The following CBR4 variants were observed in gnomAD, a reference collection of about 807,000 sequenced individuals.
CBR4 encodes the protein 3-oxoacyl-[acyl-carrier-protein] reductase.
A neutral mutation model predicts 21.0 loss-of-function variants in CBR4; 22 were observed. The ratio of observed to expected loss-of-function variants is 1.05; its 90% CI spans 0.75 to 1.50. The LOEUF (loss-of-function observed/expected upper bound fraction) is 1.50, where lower values mean the gene tolerates loss of function less well. Among genes scored for constraint, CBR4 ranks in the 40% most tolerant of loss-of-function variants. CBR4 has a pLI of 0.00. For synonymous variants in CBR4, 100 were observed against 104.4 expected, an observed-to-expected ratio of 0.96 and a Z score of 0.26; for missense variants, 302 against 286.3, an observed-to-expected ratio of 1.05 and a Z score of -0.40.
In CBR4 at chr4:169,006,870, T is replaced by C. The variant is rs778516726; in HGVS notation, c.285A>G (p.Thr95=). The change falls in exon 3 of 5, where the codon ACA becomes ACG. Residue 95 remains threonine, a synonymous_variant. Coordinates refer to ENST00000306193, the MANE Select transcript of CBR4 (RefSeq NM_032783.5). ...GCTGAGATACCATATCTTCAGTTTTTGTTCTTACTAAAAGACCATCCCTAC... is the reference window on the plus strand; with the variant it reads ...GCTGAGATACCATATCTTCAGTTTTCGTTCTTACTAAAAGACCATCCCTAC... ...GINRDGLLVR[T]KTEDMVSQLH... The C allele has an allele frequency of 6.2e-7, 1 of 1,612,868 alleles. No homozygotes were observed. Among genetic ancestry groups the C allele is most frequent in the African/African-American group, 1.3e-5 (1 of 75,016 alleles).
chr4:168,899,839 C>T (rs576124956), intron 2 of CBR4, among the ~76,000 whole-genome samples: 138 of 151,958 alleles, frequency 9.1e-4, no homozygotes, highest in Non-Finnish European at 1.8e-3. Flanking sequence ...ATTGCTGGAA[C>T]CCAGGAGGTG....
intron 4 of CBR4, among the ~76,000 whole-genome samples, chr4:168,994,235 TATC>T (rs1765069825): frequency 6.6e-6 from 1 of 152,246 alleles, no homozygotes; most frequent in Non-Finnish European, 1.5e-5. Flanking sequence ...TCTGGCTAGT[TATC>T]AGCAGCAGGA....
chr4:168,951,822 T>G (rs1410550949), intron 2 of CBR4, among the ~76,000 whole-genome samples: 1 of 152,244 alleles, frequency 6.6e-6, no homozygotes, highest in Non-Finnish European at 1.5e-5. Context: ...GGTTACCTAG[T>G]GCTTTTGTCT....
At chr4:168,968,800 G>A (rs946850807) in intron 2 of CBR4, among the ~76,000 whole-genome samples, 20 of 152,280 alleles carry the variant, frequency 1.3e-4, no homozygotes, top group African/African-American at 4.6e-4. Context: ...TATTATTTCC[G>A]ATTTACTATC....
chr4:168,976,775 AT>A (rs1263299979), intron 2 of CBR4, among the ~76,000 whole-genome samples: 2 of 152,220 alleles, frequency 1.3e-5, no homozygotes, highest in Non-Finnish European at 2.9e-5. Flanking sequence ...CACAAAGTCA[AT>A]TTATCAGTTA....
At chr4:168,964,306 C>T (rs539264215) in intron 2 of CBR4, among the ~76,000 whole-genome samples, 3 of 152,290 alleles carry the variant, frequency 2.0e-5, no homozygotes, top group African/African-American at 7.2e-5. Context: ...TTAACCTCAG[C>T]TTTCTTGAGG....
chr4:168,988,816 G>A lies in CBR4; in HGVS notation c.*1334C>T, dbSNP rs1764783063. ...ACCCAGAATTTTTATTTAGAACACT[G>A]CTTTGACTTTTGTTATTACTTTGTA... On this transcript the variant is annotated 3_prime_UTR_variant, in exon 5 of 5. Transcript: ENST00000306193. 1.1e-6 allele frequency: 1 copy of A among 950,648 alleles called. No homozygotes were observed. Among genetic ancestry groups the A allele is most frequent in the African/African-American group, 1.8e-5 (1 of 56,576 alleles). 58.9% of individuals were successfully genotyped at this position (950,648 alleles called of 1,614,324 possible). A position where few individuals can be genotyped will look rare whatever the true frequency, so the allele number is the denominator to read the frequency against.
chr4:168,922,073 A>G (rs1331826306), intron 2 of CBR4, among the ~76,000 whole-genome samples: 4 of 148,414 alleles, frequency 2.7e-5, no homozygotes, highest in African/African-American at 1.0e-4. Context: ...GCTTATATAT[A>G]AAGTTTTATA....
chr4:168,987,209 C>T (rs1031724328), downstream of CBR4, among the ~76,000 whole-genome samples: 4 of 152,132 alleles, frequency 2.6e-5, no homozygotes, highest in African/African-American at 7.2e-5. Context: ...ATTCACTTTG[C>T]AAATTCAGTT....
chr4:168,997,509 G>A (rs1026516399), intron 4 of CBR4, among the ~76,000 whole-genome samples: 5 of 152,046 alleles, frequency 3.3e-5, no homozygotes, highest in Non-Finnish European at 5.9e-5. Context: ...CAGGAGGATC[G>A]CTTGAACCCA....
intron 2 of CBR4, among the ~76,000 whole-genome samples, chr4:168,941,139 G>A (rs1237816347): frequency 6.6e-6 from 1 of 152,018 alleles, no homozygotes; most frequent in Admixed American, 6.6e-5. Flanking sequence ...AAAACACATA[G>A]ACACAGGGAG....
rs572962961 is a variant in CBR4 at position 168,962,633 on chromosome 4, A to G, written n.169+39438T>C. Among the ~76,000 whole-genome samples, 18 of 152,374 alleles carry G rather than the reference A, an allele frequency of 1.2e-4. No individual in the cohort carries two copies. The South Asian group carries it at 3.7e-3, about 32-fold the overall frequency. On this transcript the variant is annotated intron_variant and non_coding_transcript_variant, in intron 2 of 3. Transcript: ENST00000509108. ...GATTTGAGGAATCTGTAGGATATTC[A>G]AGAAAAATACAGTTAAATATATGAA...
At chr4:169,001,905 A>G (rs1427170979) in intron 4 of CBR4, 166 bp downstream of exon 4, 1 of 522,940 alleles carries the variant, frequency 1.9e-6, no homozygotes, top group Admixed American at 3.9e-5. Flanking sequence ...TATATAGAAT[A>G]TGAGGTACAA....
chr4:169,009,235 G>A (rs889359752), intron 1 of CBR4, among the ~76,000 whole-genome samples: 1 of 152,078 alleles, frequency 6.6e-6, no homozygotes, highest in Non-Finnish European at 1.5e-5. Flanking sequence ...TAAACTCAAT[G>A]AAGAGTTATA....
chr4:168,926,822 C>CAGAT (rs1762633990), intron 2 of CBR4: 2 of 222,184 alleles, frequency 9.0e-6, no homozygotes, highest in Non-Finnish European at 1.8e-5. Context: ...TGTATTCAGA[C>CAGAT]AGATACAGTG....
At chr4:168,900,953 GA>G (rs1270300097) in intron 2 of CBR4, among the ~76,000 whole-genome samples, 5 of 152,144 alleles carry the variant, frequency 3.3e-5, no homozygotes, top group African/African-American at 9.7e-5. Flanking sequence ...CAAATTCTAA[GA>G]TTATTGATTC....
At chr4:168,997,609 CA>C (rs1360461403) in intron 4 of CBR4, among the ~76,000 whole-genome samples, 1 of 152,126 alleles carries the variant, frequency 6.6e-6, no homozygotes, top group African/African-American at 2.4e-5. Context: ...AATTTTTAAA[CA>C]ATTTTTTTAA....
At chr4:168,924,708 T>G (rs1266662533) in intron 2 of CBR4, among the ~76,000 whole-genome samples, 1 of 152,110 alleles carries the variant, frequency 6.6e-6, no homozygotes, top group Non-Finnish European at 1.5e-5. Flanking sequence ...TATTCAGTGG[T>G]TTTTGTAAAG....
chr4:168,976,263 T>C (rs746691919), intron 2 of CBR4, among the ~76,000 whole-genome samples: 7 of 152,202 alleles, frequency 4.6e-5, no homozygotes, highest in African/African-American at 1.7e-4. Context: ...ACGCCAGGAA[T>C]AGCTTCCATG....
Sources: gnomAD v4.1 joint callset for allele counts (sites outside exome capture counted in the v4.1 genomes callset) on GRCh38, gnomAD v4.1.1 for gene constraint, MANE v1.5 for transcripts, NCBI Gene and HGNC (gene_info 2026-07-23, HGNC 2026-07-21) for gene names.